The following MPHOSPH9 variants were observed in gnomAD, a reference collection of about 807,000 sequenced individuals.
MPHOSPH9 encodes the protein M-phase phosphoprotein 9.
Under a neutral mutation model 145.5 loss-of-function variants are expected in MPHOSPH9, and 88 were observed. The ratio of observed to expected loss-of-function variants is 0.60; its 90% CI spans 0.51 to 0.72. MPHOSPH9 has a LOEUF of 0.72. Ranked by LOEUF, MPHOSPH9 falls within the 30% of genes least tolerant of loss-of-function variation. MPHOSPH9 has a pLI of 0.00. For synonymous variants in MPHOSPH9, 435 were observed against 486.2 expected (o/e 0.89, Z 1.39); for missense variants, 1,238 against 1,386.6 (o/e 0.89, Z 1.70).
intron 6 of MPHOSPH9, among the ~76,000 whole-genome samples, chr12:123,215,964 G>A (rs1050491567): frequency 3.3e-5 from 5 of 152,188 alleles, no homozygotes; most frequent in African/African-American, 9.6e-5. Context: ...AAGGCCGGGC[G>A]CGGTGGCTCA....
At chr12:123,236,228 G>T (rs11057202), upstream of MPHOSPH9, among the ~76,000 whole-genome samples, 89,857 of 152,084 alleles carry the variant, frequency 0.59, 30,811 homozygotes, top group Non-Finnish European at 0.75. Context: ...TCCAAGATAG[G>T]TCTTACTGAG....
intron 1 of MPHOSPH9, among the ~76,000 whole-genome samples, chr12:123,243,632 G>A (rs377554590): frequency 9.2e-5 from 14 of 152,108 alleles, no homozygotes; most frequent in Non-Finnish European, 1.6e-4. Context: ...TTGAACCCAG[G>A]AGGCGGAGGT....
rs373834443 is a variant in MPHOSPH9 at position 123,230,393 on chromosome 12, T to C, written c.-29A>G. 8.0e-4 allele frequency: 1,109 copies of C among 1,378,680 alleles called. 18 individuals are homozygous for C. The South Asian group carries it at 0.014, about 17-fold the overall frequency. The allele number at this position is 1,378,680 out of a possible 1,614,324, so 85.4% of individuals were successfully genotyped here. On this transcript the variant is annotated 5_prime_UTR_variant, in exon 2 of 24. Coordinates refer to ENST00000606320, the MANE Select transcript of MPHOSPH9 (RefSeq NM_022782.4). The stretch of plus-strand genomic sequence containing the variant: ...GTACAGAAATTGTTATATTCTCTTA[T>C]TGGAAAATAAAGGTTCTTGGGCTGT...
chr12:123,189,440 A>G (rs1467026622), intron 13 of MPHOSPH9, among the ~76,000 whole-genome samples: 3 of 152,196 alleles, frequency 2.0e-5, no homozygotes, highest in Non-Finnish European at 4.4e-5. Flanking sequence ...ACACATTGGC[A>G]TAAGGAGCCA....
In MPHOSPH9 at chr12:123,200,480, T is replaced by C. The variant is rs570587992; in HGVS notation, c.1937+1684A>G. The stretch of plus-strand genomic sequence containing the variant: ...CCTGGCTTCCAATTTGCTCCACCTA[T>C]ATTTGCTCATTGCCCTACACGCTCA... On this transcript the variant is annotated intron_variant, in intron 11 of 23. Transcript: ENST00000606320. Among the ~76,000 whole-genome samples, 6 of 152,196 alleles carry C rather than the reference T, an allele frequency of 3.9e-5. No homozygotes were observed. The South Asian group carries it at 1.2e-3, about 31-fold the overall frequency.
chr12:123,209,156 C>G (rs905099369), intron 8 of MPHOSPH9, among the ~76,000 whole-genome samples: 1 of 152,068 alleles, frequency 6.6e-6, no homozygotes, highest in Non-Finnish European at 1.5e-5. Flanking sequence ...TGGTCTTGAA[C>G]TCCCAACCTC....
At chr12:123,190,986 T>C (rs1223455764) in intron 13 of MPHOSPH9, among the ~76,000 whole-genome samples, 1 of 152,192 alleles carries the variant, frequency 6.6e-6, no homozygotes, top group South Asian at 2.1e-4. Context: ...GCTTGATTGC[T>C]GCTCAAACAT....
chr12:123,187,583 G>T (rs1030403462), intron 13 of MPHOSPH9, among the ~76,000 whole-genome samples: 1 of 152,012 alleles, frequency 6.6e-6, no homozygotes, highest in Non-Finnish European at 1.5e-5. Flanking sequence ...ACGAGATAAG[G>T]AAATGGCACC....
Position 123,164,034 on chromosome 12 carries a change from C to G in MPHOSPH9, c.2824G>C (p.Ala942Pro). 1 of 1,614,120 alleles carries G rather than the reference C, an allele frequency of 6.2e-7. No homozygotes were observed. Among genetic ancestry groups the G allele is most frequent in the Non-Finnish European group, 8.5e-7 (1 of 1,180,018 alleles). ...VNASRSPEKC[A>P]QQRQKRLNSA... ...TTAAGTCTCTTTTGTCTCTGTTGGG[C>G]ACACTTTTCTGGAGAACGACTTGCA... Residue 942 changes from alanine (A) to proline (P), a missense_variant, in exon 19 of 24, where the codon GCC becomes CCC. By Grantham distance (27) the Ala-to-Pro change is conservative. Coordinates refer to ENST00000606320, the MANE Select transcript of MPHOSPH9 (RefSeq NM_022782.4).
intron 8 of MPHOSPH9, among the ~76,000 whole-genome samples, chr12:123,204,175 G>T (rs187516030): frequency 9.9e-5 from 15 of 152,160 alleles, no homozygotes; most frequent in African/African-American, 3.4e-4. Flanking sequence ...GGTGGCGCAT[G>T]CCTGTAATCC....
intron 22 of MPHOSPH9, 95 bp from the exon 23 acceptor site, chr12:123,160,944 C>T (rs2044079487): frequency 1.4e-6 from 2 of 1,399,778 alleles, no homozygotes; most frequent in Admixed American, 4.0e-5. Flanking sequence ...ATTTCCTTGT[C>T]CATTTCATCT....
rs1429112439 is a variant in MPHOSPH9, at chr12:123,223,095, T to C, written c.291A>G (p.Glu97=). ...CAACTATCTGTTCTTGGCATTGTTT[T>C]TCCACCAAATTGAATAGCTGTAACC... is the stretch of plus-strand genomic sequence containing the variant. ...TRWLQLFNLV[E]KQCQEQIVAQ... Residue 97 remains glutamate, a synonymous_variant, in exon 4 of 24, where the codon GAA becomes GAG. Coordinates refer to ENST00000606320, the MANE Select transcript of MPHOSPH9 (RefSeq NM_022782.4). 5 of 1,481,434 alleles carry C rather than the reference T, an allele frequency of 3.4e-6. No homozygotes were observed. In the East Asian group the frequency reaches 7.8e-5, roughly 23 times the overall value. 91.8% of individuals were successfully genotyped at this position (1,481,434 alleles called of 1,614,324 possible). A position where few individuals can be genotyped will look rare whatever the true frequency, so the allele number is the denominator to read the frequency against.
At chr12:123,202,390 A>G (rs1593176604) in intron 10 of MPHOSPH9, 71 bp from the exon 11 acceptor site, 15 of 1,452,612 alleles carry the variant, frequency 1.0e-5, no homozygotes, top group Non-Finnish European at 1.4e-5. Flanking sequence ...AGAGAAACCA[A>G]GAACACAATG....
chr12:123,161,363 C>T lies in MPHOSPH9; in HGVS notation c.3154G>A (p.Ala1052Thr). 6.2e-7 allele frequency: 1 copy of T among 1,613,988 alleles called. No individual in the cohort carries two copies. Among genetic ancestry groups the T allele is most frequent in the Non-Finnish European group, 8.5e-7 (1 of 1,179,982 alleles). Residue 1052 changes from alanine (A) to threonine (T), a missense_variant, in exon 22 of 24, where the codon GCC becomes ACC. Physicochemically the swap from Ala to Thr is moderately conservative, Grantham distance 58 (BLOSUM62 0). Transcript: ENST00000606320. ...CTATGATTAACATGGTTATCGGTGG[C>T]TTTCTCAGAATAAGTTTTTTCTGTC... ...DSEEKTYSEK[A>T]TDNHVNHSSC...
chr12:123,228,584 A>G (rs2047519858), intron 2 of MPHOSPH9, among the ~76,000 whole-genome samples: 1 of 152,184 alleles, frequency 6.6e-6, no homozygotes, highest in African/African-American at 2.4e-5. Flanking sequence ...GCCAATCAGG[A>G]GGCTGAGGCA....
At chr12:123,210,446 C>T (rs1229452401) in intron 7 of MPHOSPH9, among the ~76,000 whole-genome samples, 2 of 151,908 alleles carry the variant, frequency 1.3e-5, no homozygotes, top group African/African-American at 4.8e-5. Context: ...TAATCCCAGC[C>T]CTTTGGGAAG....
At chr12:123,189,738 T>C (rs2045593444) in intron 13 of MPHOSPH9, among the ~76,000 whole-genome samples, 1 of 151,748 alleles carries the variant, frequency 6.6e-6, no homozygotes. Context: ...ATCGAGACCA[T>C]CCTGGCTAAC....
chr12:123,180,296 A>G (rs567311485), intron 14 of MPHOSPH9, among the ~76,000 whole-genome samples: 16 of 152,172 alleles, frequency 1.1e-4, no homozygotes, highest in Non-Finnish European at 1.6e-4. Flanking sequence ...GGATGGTAAA[A>G]CAAATATTTT....
chr12:123,234,709 T>C (rs920533107), upstream of MPHOSPH9, among the ~76,000 whole-genome samples: 1 of 152,182 alleles, frequency 6.6e-6, no homozygotes, highest in African/African-American at 2.4e-5. Flanking sequence ...TTTCAAAGGG[T>C]AAATTTGATG....
Sources: gnomAD v4.1 joint callset for allele counts (sites outside exome capture counted in the v4.1 genomes callset) on GRCh38, gnomAD v4.1.1 for gene constraint, MANE v1.5 for transcripts, NCBI Gene and HGNC (gene_info 2026-07-23, HGNC 2026-07-21) for gene names.